Variants in ALK observed in about 807,000 individuals in gnomAD.
ALK encodes the protein ALK receptor tyrosine kinase.
In ALK, 74 loss-of-function variants were observed where a neutral mutation model predicts 163.1. That is an observed-to-expected ratio of 0.45 (90% CI 0.38 to 0.55). ALK has a LOEUF of 0.55. Ranked by LOEUF, ALK falls within the 20% of genes least tolerant of loss-of-function variation. ALK has a pLI of 0.00. For synonymous variants in ALK, 960 were observed against 843.2 expected (o/e 1.14, Z -2.40); for missense variants, 2,063 against 2,105.3 (o/e 0.98, Z 0.39).
intron 9 of ALK, among the ~76,000 whole-genome samples, chr2:29,279,312 C>A (rs1039104406): frequency 1.3e-5 from 2 of 152,198 alleles, no homozygotes; most frequent in Non-Finnish European, 2.9e-5. Flanking sequence ...AATATGGAAC[C>A]AGGCAGTGCT....
rs561278284 is a variant in ALK, at chr2:29,769,852, T to A, written c.668-52155A>T. ...CTGGGCAGCAAATGGATGACTAGACTGATAGCCAATTGATTGAACAGTGAT... is the reference window on the plus strand; with the variant it reads ...CTGGGCAGCAAATGGATGACTAGACAGATAGCCAATTGATTGAACAGTGAT... On this transcript the variant is annotated intron_variant, in intron 1 of 28. Coordinates refer to ENST00000389048, the MANE Select transcript of ALK (RefSeq NM_004304.5). 2.0e-4 allele frequency among the ~76,000 whole-genome samples: 31 copies of A among 152,336 alleles called. No homozygotes were observed. The South Asian group carries it at 6.4e-3, about 32-fold the overall frequency.
intron 1 of ALK, among the ~76,000 whole-genome samples, chr2:29,848,987 ACC>A (rs1225794477): frequency 1.1e-4 from 17 of 151,660 alleles, no homozygotes; most frequent in African/African-American, 4.1e-4. Flanking sequence ...GCCCAGAGAC[ACC>A]TCTCCCCTCC....
At chr2:29,686,870 T>A (rs1424688237) in intron 3 of ALK, among the ~76,000 whole-genome samples, 2 of 152,170 alleles carry the variant, frequency 1.3e-5, no homozygotes, top group African/African-American at 4.8e-5. Flanking sequence ...AGCTGCTAGT[T>A]GTATCAGAAT....
chr2:29,706,188 T>C (rs947666522), intron 2 of ALK, among the ~76,000 whole-genome samples: 1 of 152,208 alleles, frequency 6.6e-6, no homozygotes, highest in Non-Finnish European at 1.5e-5. Context: ...ATGCTAAGAA[T>C]AATTGCCCCT....
At chr2:29,678,993 A>G (rs1677978670) in intron 3 of ALK, among the ~76,000 whole-genome samples, 1 of 151,742 alleles carries the variant, frequency 6.6e-6, no homozygotes, top group African/African-American at 2.4e-5. Flanking sequence ...TAATTGTTGA[A>G]TTGTCTTGTT....
chr2:29,225,682 T>C (rs1663959821), intron 18 of ALK, 117 bp from the exon 19 acceptor site: 2 of 830,458 alleles, frequency 2.4e-6, no homozygotes, highest in Non-Finnish European at 4.0e-6. Context: ...TTCCCATCGC[T>C]GGAGACCTTG....
intron 11 of ALK, among the ~76,000 whole-genome samples, chr2:29,265,207 AG>A (rs1665188141): frequency 6.6e-6 from 1 of 152,128 alleles, no homozygotes; most frequent in African/African-American, 2.4e-5. Context: ...CTGTAGAGAC[AG>A]GGTTTCACCA....
chr2:29,480,017 A>T (rs11888731), intron 4 of ALK, among the ~76,000 whole-genome samples: 3 of 152,032 alleles, frequency 2.0e-5, no homozygotes, highest in Admixed American at 6.5e-5. Flanking sequence ...TTGTTCTTTC[A>T]GCTAAATACT....
intron 1 of ALK, among the ~76,000 whole-genome samples, chr2:29,733,189 C>T (rs1031849942): frequency 2.0e-5 from 3 of 152,158 alleles, no homozygotes; most frequent in Admixed American, 2.0e-4. Context: ...AGTAACCTAG[C>T]CATTCTCCCT....
At chr2:29,433,717 TAA>T (rs539279751) in intron 4 of ALK, among the ~76,000 whole-genome samples, 70 of 144,488 alleles carry the variant, frequency 4.8e-4, no homozygotes, top group African/African-American at 1.8e-3. Flanking sequence ...TTTGTCAACT[TAA>T]AAAAAAAAAA....
intron 3 of ALK, among the ~76,000 whole-genome samples, chr2:29,688,929 C>T (rs1259340870): frequency 6.6e-6 from 1 of 152,214 alleles, no homozygotes. Context: ...GACTTGAAGC[C>T]TGCACTAGCA....
At chr2:29,782,024 A>T (rs1356940121) in intron 1 of ALK, among the ~76,000 whole-genome samples, 1 of 152,166 alleles carries the variant, frequency 6.6e-6, no homozygotes, top group African/African-American at 2.4e-5. Context: ...GGAGATATTA[A>T]CTGAGGTGCT....
At chr2:29,808,542 G>A (rs1664674649) in intron 1 of ALK, among the ~76,000 whole-genome samples, 1 of 152,146 alleles carries the variant, frequency 6.6e-6, no homozygotes, top group Non-Finnish European at 1.5e-5. Context: ...ATCCCTGGGA[G>A]ATAGAGTGAG....
intron 4 of ALK, among the ~76,000 whole-genome samples, chr2:29,392,028 G>T (rs1181036295): frequency 6.6e-6 from 1 of 152,152 alleles, no homozygotes; most frequent in Non-Finnish European, 1.5e-5. Flanking sequence ...GGATGCTGTT[G>T]TTATTATTAT....
intron 1 of ALK, among the ~76,000 whole-genome samples, chr2:29,894,190 G>A (rs1190955189): frequency 6.6e-6 from 1 of 152,154 alleles, no homozygotes; most frequent in Non-Finnish European, 1.5e-5. Flanking sequence ...TGAGGGCAGG[G>A]GCCATGTCTG....
chr2:29,320,315 C>CG (rs1246631499), intron 7 of ALK, among the ~76,000 whole-genome samples: 2 of 152,038 alleles, frequency 1.3e-5, no homozygotes, highest in Non-Finnish European at 2.9e-5. Context: ...GACCATGGAC[C>CG]GGGTATAGGG....
chr2:29,734,248 A>G (rs1033280381), intron 1 of ALK, among the ~76,000 whole-genome samples: 18 of 152,212 alleles, frequency 1.2e-4, no homozygotes, highest in African/African-American at 4.1e-4. Flanking sequence ...TCAAGTTCCA[A>G]GAAAAGGTGC....
At chr2:29,877,095 T>G (rs1666743430) in intron 1 of ALK, among the ~76,000 whole-genome samples, 1 of 152,256 alleles carries the variant, frequency 6.6e-6, no homozygotes, top group Non-Finnish European at 1.5e-5. Flanking sequence ...GAAGTAATTT[T>G]CTTAAGGATC....
chr2:29,641,634 C>A (rs528840642), intron 3 of ALK, among the ~76,000 whole-genome samples: 23 of 151,990 alleles, frequency 1.5e-4, no homozygotes, highest in African/African-American at 4.8e-4. Flanking sequence ...CACCACCACC[C>A]CCTACTATTA....
Sources: allele counts gnomAD v4.1 joint callset (sites outside exome capture counted in the v4.1 genomes callset), GRCh38; gene constraint gnomAD v4.1.1; transcripts MANE v1.5; gene names NCBI Gene and HGNC (gene_info 2026-07-23, HGNC 2026-07-21).